TINAGL1: variants seen among roughly 807,000 people sequenced by gnomAD.
TINAGL1 encodes the protein tubulointerstitial nephritis antigen-like.
TINAGL1 carries 34 observed loss-of-function variants against 62.0 expected under a neutral mutation model. The ratio of observed to expected loss-of-function variants is 0.55; its 90% CI spans 0.42 to 0.73. The LOEUF (loss-of-function observed/expected upper bound fraction) is 0.73. TINAGL1 is among the 30% of genes least tolerant of loss of function. The pLI is 0.00. For synonymous variants in TINAGL1, 221 were observed against 249.7 expected (o/e 0.88, Z 1.08); for missense variants, 516 against 653.2 (o/e 0.79, Z 2.29).
chr1:31,584,505 T>A lies in TINAGL1; in HGVS notation c.583-173T>A. The A allele has an allele frequency of 1.0e-6, 1 of 957,804 alleles. No homozygotes were observed. The highest frequency in any genetic ancestry group is 1.6e-6 in the Non-Finnish European group (1 of 643,820). 59.3% of individuals were successfully genotyped at this position (957,804 alleles called of 1,614,324 possible). ...ATACCTGGGAGGCACTAAATGGTGCTTGGTTCTTCAACACAAGTCAAAATT... is the reference window on the plus strand; with the variant it reads ...ATACCTGGGAGGCACTAAATGGTGCATGGTTCTTCAACACAAGTCAAAATT... On this transcript the variant is annotated intron_variant, in intron 5 of 11. Coordinates refer to ENST00000271064, the MANE Select transcript of TINAGL1 (RefSeq NM_022164.3). The surrounding 1 kb of genome is among the most constrained non-coding windows in gnomAD (Gnocchi z 4.0).
Position 31,577,583 on chromosome 1 carries a change from C to T in TINAGL1, c.310+125C>T. 9.3e-7 allele frequency: 1 copy of T among 1,070,458 alleles called. No individual in the cohort carries two copies. Among genetic ancestry groups the T allele is most frequent in the South Asian group, 1.6e-5 (1 of 61,542 alleles). 66.3% of individuals were successfully genotyped at this position (1,070,458 alleles called of 1,614,324 possible). ...AAGCTCTGTAGAATCTGGGACTCTT[C>T]CCTGCCCCTCTGGGAACTTTACTCT... is the stretch of plus-strand genomic sequence containing the variant. On this transcript the variant is annotated intron_variant, in intron 2 of 11. Coordinates refer to ENST00000271064, the MANE Select transcript of TINAGL1 (RefSeq NM_022164.3). This position sits in a 1 kb window ranked among gnomAD's most constrained non-coding sequence, Gnocchi z 5.4.
chr1:31,585,322 C>T lies in TINAGL1; in HGVS notation c.1029C>T (p.Val343=). The T allele has an allele frequency of 6.2e-7, 1 of 1,606,204 alleles. No individual in the cohort carries two copies. The highest frequency in any genetic ancestry group is 8.5e-7 in the Non-Finnish European group (1 of 1,175,126). Residue 343 remains valine (V), a synonymous_variant, in exon 8 of 12, where the codon GTC becomes GTT. Coordinates refer to ENST00000271064, the MANE Select transcript of TINAGL1 (RefSeq NM_022164.3). The surrounding 1 kb of genome is among the most constrained non-coding windows in gnomAD (Gnocchi z 4.3). ...ATGACATCTACCAGGTCACTCCTGTCTACCGCCTCGGCTCCAACGTAAGTC... is the reference window on the plus strand; with the variant it reads ...ATGACATCTACCAGGTCACTCCTGTTTACCGCCTCGGCTCCAACGTAAGTC... The part of the protein sequence containing the change: ...NNNDIYQVTP[V]YRLGSNDKEI...
At chr1:31,581,612 G>A (rs1639247648) in intron 3 of TINAGL1, among the ~76,000 whole-genome samples, 1 of 152,154 alleles carries the variant, frequency 6.6e-6, no homozygotes. Context: ...AAGGTCAGTG[G>A]GATATGAGTC....
At position 31,579,117 on chromosome 1, in the gene TINAGL1, T is replaced by C. The variant is rs1639129287; in HGVS notation, c.311-87T>C. The C allele has an allele frequency of 3.1e-6, 3 of 964,736 alleles. No homozygotes were observed. The South Asian group carries it at 4.1e-5, about 13-fold the overall frequency. 59.8% of individuals were successfully genotyped at this position (964,736 alleles called of 1,614,324 possible). A position where few individuals can be genotyped will look rare whatever the true frequency, so the allele number is the denominator to read the frequency against. On this transcript the variant is annotated intron_variant, in intron 2 of 11. Coordinates refer to ENST00000271064, the MANE Select transcript of TINAGL1 (RefSeq NM_022164.3). Reference sequence around the variant, plus strand: ...AGAAAGAGAGAGAATCTTGGAAAGGTTCAAGGTACCTGACCTCCAAGGACC... The same window carrying C: ...AGAAAGAGAGAGAATCTTGGAAAGGCTCAAGGTACCTGACCTCCAAGGACC...
chr1:31,581,142 C>T (rs1458491610), intron 3 of TINAGL1, among the ~76,000 whole-genome samples: 2 of 152,166 alleles, frequency 1.3e-5, no homozygotes, highest in Admixed American at 6.5e-5. Flanking sequence ...GAGAGACGTC[C>T]CAAGGAGGTG....
Position 31,583,081 on chromosome 1 carries a change from G to A in TINAGL1, c.375-68G>A, listed in dbSNP as rs1368001949. 20 of 1,439,756 alleles carry A rather than the reference G, an allele frequency of 1.4e-5. No individual in the cohort carries two copies. The highest frequency in any genetic ancestry group is 5.6e-5 in the African/African-American group (4 of 71,466). The allele number at this position is 1,439,756 out of a possible 1,614,324, so 89.2% of individuals were successfully genotyped here. On this transcript the variant is annotated intron_variant, in intron 3 of 11. Transcript: ENST00000271064. The surrounding 1 kb of genome is among the most constrained non-coding windows in gnomAD (Gnocchi z 4.4). ...GACTCCCTGGCCCATGTTAACCTCC[G>A]AGGCCACATTCCTTCAAAGTATCCC...
At chr1:31,579,581 T>C (rs1639149501) in intron 3 of TINAGL1, among the ~76,000 whole-genome samples, 1 of 151,176 alleles carries the variant, frequency 6.6e-6, no homozygotes, top group South Asian at 2.1e-4. Flanking sequence ...CACTGCAGAG[T>C]CAGAGGGAGA....
chr1:31,587,249 G>T lies in TINAGL1; in HGVS notation c.*270G>T. 2.8e-6 allele frequency: 1 copy of T among 355,620 alleles called. No individual in the cohort carries two copies. The highest frequency in any genetic ancestry group is 4.9e-6 in the Non-Finnish European group (1 of 206,070). The allele number at this position is 355,620 out of a possible 1,614,324, so 22.0% of individuals were successfully genotyped here. A position where few individuals can be genotyped will look rare whatever the true frequency, so the allele number is the denominator to read the frequency against. ...CAGCTGCAGATCCCAGGCCTCTGGC[G>T]CCCCCACTCAAGACTACCAAAGCCA... On this transcript the variant is annotated 3_prime_UTR_variant, in exon 12 of 12. Coordinates refer to ENST00000271064, the MANE Select transcript of TINAGL1 (RefSeq NM_022164.3).
At chr1:31,580,600 C>T (rs749708757) in intron 3 of TINAGL1, 27 of 1,289,226 alleles carry the variant, frequency 2.1e-5, no homozygotes, top group South Asian at 4.9e-5. Context: ...GCAGTGCCCC[C>T]GCCTCTCCTG....
intron 10 of TINAGL1, 172 bp downstream of exon 10, chr1:31,586,048 A>T: frequency 1.1e-6 from 1 of 937,604 alleles, no homozygotes; most frequent in Non-Finnish European, 1.5e-6. Context: ...GGTCGAATTG[A>T]AGGTTGGGAG....
chr1:31,581,497 T>C (rs1256148913), intron 3 of TINAGL1, among the ~76,000 whole-genome samples: 1 of 152,244 alleles, frequency 6.6e-6, no homozygotes, highest in East Asian at 1.9e-4. Context: ...TGTGAACAAC[T>C]GGGTGCCATT....
chr1:31,580,220 T>TCTCTGCCC (rs1639200376), intron 3 of TINAGL1: 1 of 842,104 alleles, frequency 1.2e-6, no homozygotes, highest in African/African-American at 2.0e-5. Context: ...TCTGTCTCTC[T>TCTCTGCCC]CTCTCTGTCT....
rs1293453813 is a variant in TINAGL1, at chr1:31,577,195, G to T, written c.47G>T (p.Gly16Val). Residue 16 changes from glycine (G) to valine (V), a missense_variant, in exon 2 of 12, where the codon GGC (glycine) becomes GTC (valine). Gly to Val is a moderately radical substitution (Grantham distance 109). Coordinates refer to ENST00000271064, the MANE Select transcript of TINAGL1 (RefSeq NM_022164.3). The surrounding 1 kb of genome is among the most constrained non-coding windows in gnomAD (Gnocchi z 5.4). ...CTACTGCTGTTGCTGCCGCTGGCTG[G>T]CCACTTGGCTCTGGGTGCCCAGCAG... is the stretch of plus-strand genomic sequence containing the variant. ...LGLLLLLPLA[G>V]HLALGAQQGR... The T allele has an allele frequency of 3.1e-6, 5 of 1,587,918 alleles. No individual in the cohort carries two copies. In the African/African-American group the frequency reaches 5.4e-5, roughly 17 times the overall value.
In TINAGL1 at chr1:31,585,707, C is replaced by T. The variant is rs1639372669; in HGVS notation, c.1094-46C>T. ...TCTCAATAGACTCAGGCTCCAGTGCCTGTGCCAACGGGCTGAGTGGACCCT... is the reference window on the plus strand; with the variant it reads ...TCTCAATAGACTCAGGCTCCAGTGCTTGTGCCAACGGGCTGAGTGGACCCT... On this transcript the variant is annotated intron_variant, in intron 9 of 11. Transcript: ENST00000271064. The surrounding 1 kb of genome is among the most constrained non-coding windows in gnomAD (Gnocchi z 4.3). The T allele has an allele frequency of 2.5e-6, 4 of 1,593,558 alleles. No homozygotes were observed. The highest frequency in any genetic ancestry group is 1.7e-4 in the Middle Eastern group (1 of 5,960).
chr1:31,583,375 G>A lies in TINAGL1; in HGVS notation c.468-86G>A. ...TTGACTGTGTGTGCGCTCAGCCACT[G>A]TGCGTCTCTCCCACCCACATGCACC... On this transcript the variant is annotated intron_variant, in intron 4 of 11. Coordinates refer to ENST00000271064, the MANE Select transcript of TINAGL1 (RefSeq NM_022164.3). This position sits in a 1 kb window ranked among gnomAD's most constrained non-coding sequence, Gnocchi z 4.4. 6.8e-7 allele frequency: 1 copy of A among 1,478,058 alleles called. No homozygotes were observed. The highest frequency in any genetic ancestry group is 9.3e-7 in the Non-Finnish European group (1 of 1,070,570). The allele number at this position is 1,478,058 out of a possible 1,614,324, so 91.6% of individuals were successfully genotyped here. A position where few individuals can be genotyped will look rare whatever the true frequency, so the allele number is the denominator to read the frequency against.
chr1:31,586,797 C>G (rs1241470680), intron 11 of TINAGL1, 42 bp downstream of exon 11: 1 of 1,548,700 alleles, frequency 6.5e-7, no homozygotes, highest in East Asian at 2.4e-5. Flanking sequence ...TTCCCCTCGC[C>G]CCACTCCCAT....
Position 31,587,065 on chromosome 1 carries a change from C to G in TINAGL1, c.*86C>G. On this transcript the variant is annotated 3_prime_UTR_variant, in exon 12 of 12. Transcript: ENST00000271064. Reference sequence around the variant, plus strand: ...CCCAATGGGGCGGTGACCCCAGCCTCGCCCGACAGAGCCCGGGGCGCAGGC... The same window carrying G: ...CCCAATGGGGCGGTGACCCCAGCCTGGCCCGACAGAGCCCGGGGCGCAGGC... 1.5e-6 allele frequency: 2 copies of G among 1,352,076 alleles called. 1 individual carries two copies. The highest frequency in any genetic ancestry group is 5.5e-4 in the Middle Eastern group (2 of 3,642). The allele number at this position is 1,352,076 out of a possible 1,614,324, so 83.8% of individuals were successfully genotyped here.
At position 31,587,236 on chromosome 1, in the gene TINAGL1, C is replaced by A; in HGVS notation, c.*257C>A. On this transcript the variant is annotated 3_prime_UTR_variant, in exon 12 of 12. Coordinates refer to ENST00000271064, the MANE Select transcript of TINAGL1 (RefSeq NM_022164.3). ...CCTGGGAAGAGCACAGCTGCAGATCCCAGGCCTCTGGCGCCCCCACTCAAG... is the reference window on the plus strand; with the variant it reads ...CCTGGGAAGAGCACAGCTGCAGATCACAGGCCTCTGGCGCCCCCACTCAAG... The A allele has an allele frequency of 2.5e-6, 1 of 398,342 alleles. No homozygotes were observed. The highest frequency in any genetic ancestry group is 4.2e-6 in the Non-Finnish European group (1 of 240,002). 24.7% of individuals were successfully genotyped at this position (398,342 alleles called of 1,614,324 possible). A position where few individuals can be genotyped will look rare whatever the true frequency, so the allele number is the denominator to read the frequency against.
Position 31,584,866 on chromosome 1 carries a change from CCTCT to C in TINAGL1, c.707-19_707-16del, listed in dbSNP as rs1639343733. 2 of 1,613,046 alleles carry C rather than the reference CCTCT, an allele frequency of 1.2e-6. No individual in the cohort carries two copies. Among genetic ancestry groups the C allele is most frequent in the Non-Finnish European group, 1.7e-6 (2 of 1,179,058 alleles). ...CCAAGTCCTGAGCCTCCCGACAGCC[CCTCT>C]ATCTCACCCCACCAGCTGTGGCATC... On this transcript the variant is annotated splice_polypyrimidine_tract_variant and intron_variant, in intron 6 of 11. Transcript: ENST00000271064. This position sits in a 1 kb window ranked among gnomAD's most constrained non-coding sequence, Gnocchi z 4.0.
Sources: allele counts gnomAD v4.1 joint callset (sites outside exome capture counted in the v4.1 genomes callset), GRCh38; gene constraint gnomAD v4.1.1; non-coding constraint Gnocchi (gnomAD v3.1); transcripts MANE v1.5; gene names NCBI Gene and HGNC (gene_info 2026-07-23, HGNC 2026-07-21).